Variants in SRP54 observed in about 807,000 individuals in gnomAD.
SRP54 encodes the protein signal recognition particle 54.
SRP54 carries 10 observed loss-of-function variants against 64.8 expected under a neutral mutation model. The observed-to-expected ratio is 0.15, with a 90% CI of 0.10 to 0.26. The LOEUF (loss-of-function observed/expected upper bound fraction) is 0.26. Among genes scored for constraint, SRP54 ranks in the 10% least tolerant of loss-of-function variants. SRP54 has a pLI of 1.00. For missense variants in SRP54, 325 were observed against 613.7 expected, an observed-to-expected ratio of 0.53 and a Z score of 4.97; for synonymous variants, 193 against 185.6, an observed-to-expected ratio of 1.04 and a Z score of -0.32.
At chr14:35,014,899 T>A in intron 11 of SRP54, 69 bp downstream of exon 11, 4 of 1,183,358 alleles carry the variant, frequency 3.4e-6, no homozygotes, top group Non-Finnish European at 4.9e-6. Context: ...AAGTTACTAT[T>A]AAGTTATTTG....
At chr14:34,996,064 CAAA>C (rs201959550) in intron 1 of SRP54, among the ~76,000 whole-genome samples, 17 of 119,508 alleles carry the variant, frequency 1.4e-4, no homozygotes, top group Admixed American at 1.8e-4. Flanking sequence ...GACCCTGTCT[CAAA>C]AAAAAAAAAA....
At chr14:34,988,582 T>TATATATATATATATATATAAAAC in intron 1 of SRP54, among the ~76,000 whole-genome samples, 1 of 35,068 alleles carries the variant, frequency 2.9e-5, no homozygotes, top group African/African-American at 7.3e-5. Context: ...AAAAAAAATA[T>TATATATATATATATATATAAAAC]ATATATATAT....
chr14:34,990,627 G>C (rs1006234521), intron 1 of SRP54, among the ~76,000 whole-genome samples: 11 of 152,040 alleles, frequency 7.2e-5, no homozygotes, highest in African/African-American at 2.7e-4. Context: ...TTAGGCAAGA[G>C]AATCTTGAGA....
chr14:35,022,790 GAT>G (rs2044555222), intron 13 of SRP54, 118 bp from the exon 14 acceptor site: 1 of 668,042 alleles, frequency 1.5e-6, no homozygotes. Flanking sequence ...AGAAAAATGA[GAT>G]AGTTATCACT....
intron 4 of SRP54, among the ~76,000 whole-genome samples, chr14:35,006,210 A>G (rs2044255109): frequency 6.6e-6 from 1 of 152,172 alleles, no homozygotes; most frequent in African/African-American, 2.4e-5. Context: ...GACTGATTTT[A>G]AAGTTGATTA....
chr14:35,007,268 AT>A lies in SRP54; in HGVS notation c.256-10del. Reference sequence around the variant, plus strand: ...GTTAACCTGATTTTATTTTTAATTTATTTTTGGTATTTAGCTTGTAGACCCT... The same window carrying A: ...GTTAACCTGATTTTATTTTTAATTTATTTTGGTATTTAGCTTGTAGACCCT... On this transcript the variant is annotated splice_polypyrimidine_tract_variant and intron_variant, in intron 4 of 15. Coordinates refer to ENST00000216774, the MANE Select transcript of SRP54 (RefSeq NM_003136.4). 6 of 1,513,296 alleles carry A rather than the reference AT, an allele frequency of 4.0e-6. No homozygotes were observed. Among genetic ancestry groups the A allele is most frequent in the South Asian group, 1.2e-5 (1 of 81,342 alleles). The allele number at this position is 1,513,296 out of a possible 1,614,324, so 93.7% of individuals were successfully genotyped here.
intron 14 of SRP54, 63 bp from the exon 15 acceptor site, chr14:35,028,025 C>A (rs2044661777): frequency 3.8e-6 from 4 of 1,039,216 alleles, no homozygotes; most frequent in South Asian, 1.6e-5. Flanking sequence ...TCTATTATAC[C>A]CTGATTATAC....
In SRP54 at chr14:34,983,129, G is replaced by C. The variant is rs1208790127; in HGVS notation, c.-120G>C. On this transcript the variant is annotated 5_prime_UTR_variant, in exon 1 of 16. Coordinates refer to ENST00000216774, the MANE Select transcript of SRP54 (RefSeq NM_003136.4). Reference sequence around the variant, plus strand: ...GGTCATACCTGTCTGTCTGCTCCCAGCTTTCTTGGGTTTCTTCCGACGGCG... The same window carrying C: ...GGTCATACCTGTCTGTCTGCTCCCACCTTTCTTGGGTTTCTTCCGACGGCG... 1 of 152,438 alleles carries C rather than the reference G, an allele frequency of 6.6e-6. No homozygotes were observed. The highest frequency in any genetic ancestry group is 1.5e-5 in the Non-Finnish European group (1 of 68,202). 9.4% of individuals were successfully genotyped at this position (152,438 alleles called of 1,614,324 possible).
intron 1 of SRP54, among the ~76,000 whole-genome samples, chr14:34,994,247 C>T (rs961178833): frequency 6.6e-6 from 1 of 152,108 alleles, no homozygotes; most frequent in Non-Finnish European, 1.5e-5. Flanking sequence ...GATCCACCCA[C>T]CTCGGCCTCC....
At chr14:35,016,099 C>T (rs75240223) in intron 11 of SRP54, among the ~76,000 whole-genome samples, 11,731 of 152,224 alleles carry the variant, frequency 0.077, 598 homozygotes, top group Non-Finnish European at 0.12. Context: ...TCCTAAATAT[C>T]TCCATTCCAT....
chr14:35,001,456 C>G (rs2044171936), intron 4 of SRP54, among the ~76,000 whole-genome samples: 1 of 152,074 alleles, frequency 6.6e-6, no homozygotes, highest in South Asian at 2.1e-4. Flanking sequence ...TGGCCAGGAC[C>G]TATTTTTATT....
intron 1 of SRP54, among the ~76,000 whole-genome samples, chr14:34,986,615 C>G (rs553963506): frequency 6.6e-6 from 1 of 152,160 alleles, no homozygotes; most frequent in Non-Finnish European, 1.5e-5. Flanking sequence ...CGTGGTGGCT[C>G]ACGCCTGTAA....
At chr14:34,990,755 C>T (rs1456626306) in intron 1 of SRP54, among the ~76,000 whole-genome samples, 1 of 152,112 alleles carries the variant, frequency 6.6e-6, no homozygotes, top group Non-Finnish European at 1.5e-5. Context: ...TTTTAAGTAT[C>T]TTGTTGGAAA....
chr14:34,998,475 TC>T (rs1282045462), intron 2 of SRP54, among the ~76,000 whole-genome samples: 1 of 152,088 alleles, frequency 6.6e-6, no homozygotes, highest in Non-Finnish European at 1.5e-5. Flanking sequence ...CTGGGTAACT[TC>T]CTTCTGTCAC....
rs2044269638 is a variant in SRP54, at chr14:35,007,154, C to T, written c.256-129C>T. The T allele has an allele frequency of 1.3e-5, 6 of 456,310 alleles. 1 individual carries two copies. Among genetic ancestry groups the T allele is most frequent in the African/African-American group, 2.0e-5 (1 of 49,720 alleles). 28.3% of individuals were successfully genotyped at this position (456,310 alleles called of 1,614,324 possible). A position where few individuals can be genotyped will look rare whatever the true frequency, so the allele number is the denominator to read the frequency against. ...GCTGCAGTGAGCTCTGATTATGCCA[C>T]TGCACTCCAGCCTGGGTGACAAGAG... On this transcript the variant is annotated intron_variant, in intron 4 of 15. Transcript: ENST00000216774.
At chr14:35,002,527 G>A (rs898279255) in intron 4 of SRP54, among the ~76,000 whole-genome samples, 1 of 151,632 alleles carries the variant, frequency 6.6e-6, no homozygotes, top group Non-Finnish European at 1.5e-5. Flanking sequence ...CTGCCTGCCA[G>A]GTTCAAGCAA....
chr14:35,014,290 T>TTTTTTTTTTTTTTTTTTG lies in SRP54; in HGVS notation c.886+392_886+393insTTTTTTTTTTTTTGTTTT, dbSNP rs376712278. Among the ~76,000 whole-genome samples the TTTTTTTTTTTTTTTTTTG allele has an allele frequency of 6.1e-4, 78 of 127,316 alleles. 1 individual carries two copies. Among genetic ancestry groups the TTTTTTTTTTTTTTTTTTG allele is most frequent in the East Asian group, 2.2e-3 (8 of 3,676 alleles). The allele number at this position is 127,316 out of a possible 152,430, so 83.5% of individuals were successfully genotyped here. On this transcript the variant is annotated intron_variant, in intron 10 of 15. Transcript: ENST00000216774. ...TGCCACTTAACTTTTTTTTTTTTTTTTTTTGAGACGGAGTTTCGCTCTTGT... is the reference window on the plus strand; with the variant it reads ...TGCCACTTAACTTTTTTTTTTTTTTTTTTTTTTTTTTTTTTTTGTTTTGAGACGGAGTTTCGCTCTTGT...
At chr14:35,009,140 A>C (rs1346349193) in intron 7 of SRP54, among the ~76,000 whole-genome samples, 1 of 151,944 alleles carries the variant, frequency 6.6e-6, no homozygotes, top group Non-Finnish European at 1.5e-5. Flanking sequence ...CACCTGCCTC[A>C]GCCTCCCAAA....
chr14:35,000,609 C>A (rs978666369), intron 3 of SRP54, among the ~76,000 whole-genome samples: 4 of 151,436 alleles, frequency 2.6e-5, no homozygotes, highest in African/African-American at 9.7e-5. Flanking sequence ...AGAAAGTAGT[C>A]CTGATTTCTG....
Sources: allele counts gnomAD v4.1 joint callset (sites outside exome capture counted in the v4.1 genomes callset), GRCh38; gene constraint gnomAD v4.1.1; transcripts MANE v1.5; gene names NCBI Gene and HGNC (gene_info 2026-07-23, HGNC 2026-07-21).